HEMK2: variants seen among roughly 807,000 people sequenced by gnomAD.
HEMK2 encodes the protein methyltransferase HEMK2.
chr21:28,599,797 C>A, the HEMK2 span, among the ~76,000 whole-genome samples: 3 of 152,184 alleles, frequency 2.0e-5, no homozygotes, highest in Admixed American at 1.3e-4. Context: ...GGGGTACAGG[C>A]ATTGGATAAA....
chr21:28,863,450 A>C, the HEMK2 span, among the ~76,000 whole-genome samples: 2 of 85,332 alleles, frequency 2.3e-5, no homozygotes, highest in African/African-American at 5.2e-5. Flanking sequence ...ATATATATAT[A>C]TATATATATA....
the HEMK2 span, among the ~76,000 whole-genome samples, chr21:28,684,818 C>A: frequency 2.6e-5 from 4 of 152,166 alleles, no homozygotes; most frequent in Non-Finnish European, 5.9e-5. Flanking sequence ...TGACCAAGTA[C>A]CTGTGAGATC....
chr21:28,818,124 G>C, the HEMK2 span, among the ~76,000 whole-genome samples: 2 of 152,104 alleles, frequency 1.3e-5, no homozygotes, highest in Non-Finnish European at 2.9e-5. Context: ...CCCTCAATCT[G>C]GGTGAGCACA....
chr21:28,779,366 A>G, the HEMK2 span, among the ~76,000 whole-genome samples: 1 of 152,236 alleles, frequency 6.6e-6, no homozygotes, highest in Non-Finnish European at 1.5e-5. Flanking sequence ...AGCCAGGAAT[A>G]GAAAGAGTAA....
At chr21:28,797,370 C>T in the HEMK2 span, among the ~76,000 whole-genome samples, 23 of 151,122 alleles carry the variant, frequency 1.5e-4, no homozygotes, top group African/African-American at 4.4e-4. Context: ...CTAAGGTGGA[C>T]GGATTGCTTG....
At chr21:28,692,487 C>A in the HEMK2 span, among the ~76,000 whole-genome samples, 1 of 151,860 alleles carries the variant, frequency 6.6e-6, no homozygotes, top group Non-Finnish European at 1.5e-5. Context: ...GAATATGGAA[C>A]AATATTCATA....
the HEMK2 span, among the ~76,000 whole-genome samples, chr21:28,772,213 C>T: frequency 3.3e-5 from 5 of 152,122 alleles, no homozygotes; most frequent in Non-Finnish European, 5.9e-5. Context: ...TCAACCATGC[C>T]TATGTTGGGA....
At chr21:28,635,202 A>G in the HEMK2 span, among the ~76,000 whole-genome samples, 1 of 151,772 alleles carries the variant, frequency 6.6e-6, no homozygotes, top group South Asian at 2.1e-4. Context: ...TCCGGTTTCA[A>G]GTGATTCTCC....
the HEMK2 span, among the ~76,000 whole-genome samples, chr21:28,593,259 A>G: frequency 6.6e-6 from 1 of 152,192 alleles, no homozygotes; most frequent in African/African-American, 2.4e-5. Flanking sequence ...GCATATAAAC[A>G]TAAATAAATT....
At chr21:28,780,972 A>T in the HEMK2 span, among the ~76,000 whole-genome samples, 1 of 152,218 alleles carries the variant, frequency 6.6e-6, no homozygotes, top group East Asian at 1.9e-4. Flanking sequence ...AAGACTTTTC[A>T]TTGAGACAGG....
chr21:28,627,712 GA>G, the HEMK2 span, among the ~76,000 whole-genome samples: 3 of 152,150 alleles, frequency 2.0e-5, no homozygotes, highest in Non-Finnish European at 2.9e-5. Flanking sequence ...TGACTTCCTA[GA>G]ACTAAATCAA....
At chr21:28,778,810 T>C in the HEMK2 span, among the ~76,000 whole-genome samples, 1 of 152,238 alleles carries the variant, frequency 6.6e-6, no homozygotes, top group Non-Finnish European at 1.5e-5. Context: ...TTTAGTTGAT[T>C]TTTTATATAT....
the HEMK2 span, chr21:28,872,133 C>T: frequency 5.3e-5 from 8 of 152,210 alleles, no homozygotes; most frequent in Admixed American, 5.2e-4. Flanking sequence ...CTCCTTAGTT[C>T]AGTTAAATTT....
chr21:28,714,566 A>C, the HEMK2 span, among the ~76,000 whole-genome samples: 4 of 152,256 alleles, frequency 2.6e-5, no homozygotes, highest in Admixed American at 2.0e-4. Context: ...ACATGGTTAA[A>C]GAAACAAACA....
the HEMK2 span, among the ~76,000 whole-genome samples, chr21:28,636,411 T>A: frequency 2.0e-5 from 3 of 152,168 alleles, no homozygotes; most frequent in African/African-American, 7.2e-5. Context: ...GGAGCCTTGA[T>A]GGACAAAAAC....
chr21:28,745,396 T>C, the HEMK2 span, among the ~76,000 whole-genome samples: 3 of 152,212 alleles, frequency 2.0e-5, no homozygotes, highest in African/African-American at 7.2e-5. Context: ...AACAAGCAGA[T>C]GGATGTTGTA....
At chr21:28,765,905 A>G in the HEMK2 span, among the ~76,000 whole-genome samples, 1 of 152,110 alleles carries the variant, frequency 6.6e-6, no homozygotes, top group African/African-American at 2.4e-5. Context: ...TAAAACCACA[A>G]TGAGATACCA....
the HEMK2 span, among the ~76,000 whole-genome samples, chr21:28,613,619 C>CTTTTTTTTTTTTTTTTT: frequency 4.1e-4 from 34 of 82,702 alleles, 6 homozygotes; most frequent in African/African-American, 9.9e-4. Context: ...TCTGCATATT[C>CTTTTTTTTTTTTTTTTT]TTTTTTTTTT....
the HEMK2 span, among the ~76,000 whole-genome samples, chr21:28,802,352 T>C: frequency 6.6e-6 from 1 of 152,320 alleles, no homozygotes; most frequent in South Asian, 2.1e-4. Context: ...TTCTTCTCTA[T>C]GCATAAAGAA....
Sources: gnomAD v4.1 joint callset for allele counts (sites outside exome capture counted in the v4.1 genomes callset) on GRCh38, gnomAD v4.1.1 for gene constraint, MANE v1.5 for transcripts, NCBI Gene and HGNC (gene_info 2026-07-23, HGNC 2026-07-21) for gene names.